LRRFIP1: variants seen among roughly 807,000 people sequenced by gnomAD.
The protein encoded by LRRFIP1 is LRR binding FLII interacting protein 1, also known as leucine-rich repeat flightless-interacting protein 1.
A neutral mutation model predicts 104.4 loss-of-function variants in LRRFIP1; 62 were observed. That is an observed-to-expected ratio of 0.59 (90% confidence interval 0.48 to 0.73). The LOEUF (loss-of-function observed/expected upper bound fraction) is 0.73. Among genes scored for constraint, LRRFIP1 ranks in the 30% least tolerant of loss-of-function variants. The pLI, the probability that LRRFIP1 is intolerant of heterozygous loss-of-function variation, is 0.00. For missense variants in LRRFIP1, 796 were observed against 824.5 expected (o/e 0.97, Z 0.42); for synonymous variants, 300 against 299.0 (o/e 1.00, Z -0.03).
At chr2:237,660,511 C>G (rs1448262417) in intron 1 of LRRFIP1, among the ~76,000 whole-genome samples, 1 of 152,174 alleles carries the variant, frequency 6.6e-6, no homozygotes, top group Non-Finnish European at 1.5e-5. Flanking sequence ...GCTATCTCTG[C>G]AGAGTACAGC....
chr2:237,694,463 G>T (rs1575545982), intron 1 of LRRFIP1, among the ~76,000 whole-genome samples: 1 of 152,044 alleles, frequency 6.6e-6, no homozygotes, highest in East Asian at 1.9e-4. Context: ...GGGAATTGGG[G>T]GTCATCATGG....
chr2:237,731,351 C>T (rs1257324165), intron 8 of LRRFIP1, among the ~76,000 whole-genome samples: 1 of 152,076 alleles, frequency 6.6e-6, no homozygotes, highest in Admixed American at 6.6e-5. Flanking sequence ...CCTCTTCACC[C>T]CTTGTCCAAC....
At chr2:237,767,459 A>C (rs1336117751) in intron 19 of LRRFIP1, among the ~76,000 whole-genome samples, 3 of 152,228 alleles carry the variant, frequency 2.0e-5, no homozygotes, top group Admixed American at 6.5e-5. Context: ...TATAAATGTA[A>C]ATCTTCCTTC....
intron 23 of LRRFIP1, among the ~76,000 whole-genome samples, chr2:237,777,594 C>A (rs140463396): frequency 6.6e-6 from 1 of 150,704 alleles, no homozygotes; most frequent in African/African-American, 2.4e-5. Context: ...TTGTAGGGAC[C>A]TTTTTTTTTC....
At chr2:237,732,240 G>A (rs931390780) in intron 8 of LRRFIP1, among the ~76,000 whole-genome samples, 5 of 152,024 alleles carry the variant, frequency 3.3e-5, no homozygotes, top group African/African-American at 1.2e-4. Context: ...TAAGGTAATC[G>A]TCTCTGAACT....
At chr2:237,697,231 C>T (rs538050393) in intron 1 of LRRFIP1, among the ~76,000 whole-genome samples, 3 of 152,002 alleles carry the variant, frequency 2.0e-5, no homozygotes, top group Non-Finnish European at 2.9e-5. Context: ...CCACATTGGC[C>T]GGGGTGGTCT....
chr2:237,718,687 T>C (rs2094432695), intron 4 of LRRFIP1, among the ~76,000 whole-genome samples: 1 of 152,224 alleles, frequency 6.6e-6, no homozygotes, highest in South Asian at 2.1e-4. Context: ...GATGGAAATG[T>C]CCTATTAAAT....
chr2:237,729,788 C>CT, intron 8 of LRRFIP1: 1 of 985,360 alleles, frequency 1.0e-6, no homozygotes, highest in Non-Finnish European at 1.2e-6. Context: ...AGAATTCCAG[C>CT]TACAGCGGTG....
intron 3 of LRRFIP1, among the ~76,000 whole-genome samples, chr2:237,715,426 G>A (rs996984574): frequency 3.9e-5 from 6 of 152,152 alleles, no homozygotes; most frequent in African/African-American, 1.4e-4. Context: ...CTGGAAGAGG[G>A]GCTCTATCTG....
chr2:237,726,567 A>T (rs2094759288), intron 7 of LRRFIP1, among the ~76,000 whole-genome samples: 1 of 152,198 alleles, frequency 6.6e-6, no homozygotes, highest in African/African-American at 2.4e-5. Flanking sequence ...TGGCTTTGTA[A>T]TGTATTTATT....
At chr2:237,763,481 G>A (rs1416289490) in intron 19 of LRRFIP1, 1 of 1,613,442 alleles carries the variant, frequency 6.2e-7, no homozygotes. Context: ...AACCCTTAAA[G>A]ATGTTAAAAA....
At chr2:237,634,084 C>T (rs2082761531) in intron 1 of LRRFIP1, among the ~76,000 whole-genome samples, 1 of 152,184 alleles carries the variant, frequency 6.6e-6, no homozygotes, top group South Asian at 2.1e-4. Context: ...GTAGGCTGGG[C>T]AGTCCTTTTA....
intron 1 of LRRFIP1, among the ~76,000 whole-genome samples, chr2:237,633,330 G>A (rs946451057): frequency 5.3e-5 from 8 of 152,208 alleles, no homozygotes; most frequent in East Asian, 1.9e-4. Context: ...CTGTTTGTGC[G>A]ATTCCCAAAA....
intron 1 of LRRFIP1, among the ~76,000 whole-genome samples, chr2:237,632,473 G>A (rs2082522314): frequency 6.6e-6 from 1 of 152,162 alleles, no homozygotes; most frequent in South Asian, 2.1e-4. Flanking sequence ...ATCCAGTCCT[G>A]CCATGGGCTC....
At chr2:237,657,660 TAAAAG>T (rs571521730) in intron 1 of LRRFIP1, among the ~76,000 whole-genome samples, 10 of 152,092 alleles carry the variant, frequency 6.6e-5, no homozygotes, top group African/African-American at 1.2e-4. Context: ...CATTCAAAAA[TAAAAG>T]AGGAGAAAAA....
intron 1 of LRRFIP1, among the ~76,000 whole-genome samples, chr2:237,660,873 C>T (rs562480024): frequency 2.2e-4 from 34 of 152,254 alleles, no homozygotes; most frequent in African/African-American, 7.2e-4. Flanking sequence ...GAAAAGCATG[C>T]GTTTTTGAGT....
intron 17 of LRRFIP1, among the ~76,000 whole-genome samples, chr2:237,757,973 C>G (rs1232767342): frequency 6.6e-6 from 1 of 151,778 alleles, no homozygotes; most frequent in Non-Finnish European, 1.5e-5. Flanking sequence ...GAAATCTTCC[C>G]CAGGGAAGGT....
chr2:237,749,461 A>C, intron 13 of LRRFIP1, 137 bp downstream of exon 13: 3 of 1,022,702 alleles, frequency 2.9e-6, no homozygotes, highest in Non-Finnish European at 4.3e-6. Flanking sequence ...CCCCTAAAAT[A>C]CGGTGTTCTC....
chr2:237,733,579 A>G (rs1022401399), intron 8 of LRRFIP1, among the ~76,000 whole-genome samples, 195 bp from the exon 9 acceptor site: 2 of 152,236 alleles, frequency 1.3e-5, no homozygotes, highest in African/African-American at 4.8e-5. Context: ...CATCTCAGTT[A>G]TCTTTCTTGT....
Sources: allele counts gnomAD v4.1 joint callset (sites outside exome capture counted in the v4.1 genomes callset), GRCh38; gene constraint gnomAD v4.1.1; transcripts MANE v1.5; gene names NCBI Gene and HGNC (gene_info 2026-07-23, HGNC 2026-07-21).